Variants in PTPRN2 observed in about 807,000 individuals in gnomAD.
PTPRN2 encodes receptor-type tyrosine-protein phosphatase N2.
PTPRN2 carries 74 observed loss-of-function variants against 118.8 expected under a neutral mutation model. The observed-to-expected ratio is 0.62, with a 90% CI of 0.52 to 0.76. The LOEUF is 0.76. Ranked by LOEUF, PTPRN2 falls within the 30% of genes least tolerant of loss-of-function variation. PTPRN2 has a pLI of 0.00. For missense variants in PTPRN2, 1,481 were observed against 1,394.4 expected (o/e 1.06, Z -0.99); for synonymous variants, 641 against 608.0 (o/e 1.05, Z -0.80).
At chr7:157,824,227 G>A (rs992811794) in intron 12 of PTPRN2, among the ~76,000 whole-genome samples, 1 of 151,964 alleles carries the variant, frequency 6.6e-6, no homozygotes, top group Non-Finnish European at 1.5e-5. Flanking sequence ...TCAGCTTGCC[G>A]ACGGCTGCCA....
intron 2 of PTPRN2, among the ~76,000 whole-genome samples, chr7:158,347,486 C>A (rs557316752): frequency 4.7e-4 from 72 of 152,278 alleles, no homozygotes; most frequent in African/African-American, 1.7e-3. Context: ...GCCAGTACCA[C>A]GTTGTTTTGG....
rs1033116606 is a variant in PTPRN2 at position 157,903,298 on chromosome 7, G to C, written c.1724-4561C>G. On this transcript the variant is annotated intron_variant, in intron 11 of 22. Coordinates refer to ENST00000389418, the MANE Select transcript of PTPRN2 (RefSeq NM_002847.5). The surrounding 1 kb of genome is among the most constrained non-coding windows in gnomAD (Gnocchi z 4.2). ...AATGTGAGAGGGAGGTGGGAGAAAA[G>C]GGCTGAAACTCCCTCTGGGGGACGT... Among the ~76,000 whole-genome samples, 1 of 152,100 alleles carries C rather than the reference G, an allele frequency of 6.6e-6. No individual in the cohort carries two copies. The highest frequency in any genetic ancestry group is 1.5e-5 in the Non-Finnish European group (1 of 68,026).
intron 5 of PTPRN2, among the ~76,000 whole-genome samples, chr7:158,190,985 A>G (rs888450159): frequency 1.3e-5 from 2 of 152,266 alleles, no homozygotes; most frequent in African/African-American, 4.8e-5. Context: ...GAAGTGCCTC[A>G]GCTTCCTCAC....
intron 1 of PTPRN2, among the ~76,000 whole-genome samples, chr7:158,558,046 A>T (rs984921724): frequency 2.0e-5 from 3 of 152,162 alleles, no homozygotes; most frequent in Non-Finnish European, 4.4e-5. Flanking sequence ...GTGCAGTGGT[A>T]TCATCATTAC....
Position 158,582,796 on chromosome 7 carries a change from CAAAA to C in PTPRN2, c.112+4758_112+4761del, listed in dbSNP as rs1156687117. On this transcript the variant is annotated intron_variant, in intron 1 of 22. Coordinates refer to ENST00000389418, the MANE Select transcript of PTPRN2 (RefSeq NM_002847.5). ...TGGGTGACAAAGCGAGACTCCATCT[CAAAA>C]AAAAAAAAAAAAAAAAAAAAAGAAT... Among the ~76,000 whole-genome samples the C allele has an allele frequency of 7.7e-3, 342 of 44,290 alleles. 1 individual carries two copies. The highest frequency in any genetic ancestry group is 0.075 in the East Asian group (69 of 918). 29.1% of individuals were successfully genotyped at this position (44,290 alleles called of 152,430 possible). A position where few individuals can be genotyped will look rare whatever the true frequency, so the allele number is the denominator to read the frequency against.
chr7:158,382,702 C>T (rs1408493059), intron 2 of PTPRN2, among the ~76,000 whole-genome samples: 2 of 152,146 alleles, frequency 1.3e-5, no homozygotes, highest in African/African-American at 4.8e-5. Context: ...AGAAGCTGCA[C>T]ACTCTGTACG....
At chr7:158,582,079 C>A (rs148915580) in intron 1 of PTPRN2, among the ~76,000 whole-genome samples, 2 of 152,192 alleles carry the variant, frequency 1.3e-5, no homozygotes, top group Non-Finnish European at 2.9e-5. Flanking sequence ...CACACTGTTT[C>A]CACACTGTTT....
chr7:157,755,160 C>T (rs1348357479), intron 12 of PTPRN2, among the ~76,000 whole-genome samples: 2 of 152,190 alleles, frequency 1.3e-5, no homozygotes, highest in African/African-American at 2.4e-5. Flanking sequence ...GCTGGGATTA[C>T]AGGCGTGAGC....
At chr7:158,507,829 A>G (rs1415600473) in intron 1 of PTPRN2, among the ~76,000 whole-genome samples, 1 of 150,954 alleles carries the variant, frequency 6.6e-6, no homozygotes, top group Non-Finnish European at 1.5e-5. Context: ...AGGAGACCGC[A>G]TGCACGGAGG....
At chr7:157,751,730 C>T (rs778905714) in intron 12 of PTPRN2, among the ~76,000 whole-genome samples, 19 of 151,972 alleles carry the variant, frequency 1.3e-4, no homozygotes, top group Non-Finnish European at 2.1e-4. Context: ...CTGATGGAGC[C>T]GCGCGCACAG....
At chr7:157,951,022 G>C (rs1428596533) in intron 11 of PTPRN2, among the ~76,000 whole-genome samples, 1 of 152,098 alleles carries the variant, frequency 6.6e-6, no homozygotes, top group Admixed American at 6.5e-5. Context: ...ATTTGTTTTA[G>C]TTTGATTTCA....
In PTPRN2 at chr7:158,526,258, G is replaced by A. The variant is rs1326826410; in HGVS notation, c.113-36473C>T. ...GGGGTCACCCCTCGTGCAGGCTCAG[G>A]CCCTCCCTGCCCACCTGTGGCGGCG... On this transcript the variant is annotated intron_variant, in intron 1 of 22. Coordinates refer to ENST00000389418, the MANE Select transcript of PTPRN2 (RefSeq NM_002847.5). This position sits in a 1 kb window ranked among gnomAD's most constrained non-coding sequence, Gnocchi z 5.2. Among the ~76,000 whole-genome samples, 1 of 152,148 alleles carries A rather than the reference G, an allele frequency of 6.6e-6. No homozygotes were observed. The highest frequency in any genetic ancestry group is 1.5e-5 in the Non-Finnish European group (1 of 68,028).
At chr7:158,207,007 GTCCATGTGATCTCATTGTTCAAT>G (rs1170247767) in intron 3 of PTPRN2, among the ~76,000 whole-genome samples, 2 of 135,614 alleles carry the variant, frequency 1.5e-5, no homozygotes, top group African/African-American at 2.8e-5. Flanking sequence ...CCCTTCCTGT[GTCCATGTGATCTCATTGTTCAAT>G]TCCCGCCTAT....
chr7:157,818,863 G>A (rs1331347970), intron 12 of PTPRN2, among the ~76,000 whole-genome samples: 1 of 152,078 alleles, frequency 6.6e-6, no homozygotes, highest in East Asian at 1.9e-4. Flanking sequence ...AGGAGAAGCT[G>A]GCCCGCCCTC....
At chr7:158,281,454 C>T (rs1982450) in intron 3 of PTPRN2, among the ~76,000 whole-genome samples, 36,919 of 152,098 alleles carry the variant, frequency 0.24, 4,952 homozygotes, top group East Asian at 0.41. Flanking sequence ...AAAATCCAAG[C>T]GGATGGGCAC....
chr7:158,520,913 C>T (rs183467815), intron 1 of PTPRN2, among the ~76,000 whole-genome samples: 117 of 152,262 alleles, frequency 7.7e-4, no homozygotes, highest in South Asian at 1.5e-3. Flanking sequence ...CACATGGATA[C>T]GCTGGGCAAA....
At position 158,319,823 on chromosome 7, in the gene PTPRN2, ACT is replaced by A. The variant is rs1475509894; in HGVS notation, c.164-2893_164-2892del. Among the ~76,000 whole-genome samples the A allele has an allele frequency of 1.4e-3, 10 of 7,190 alleles. 4 individuals are homozygous for A. Among genetic ancestry groups the A allele is most frequent in the Non-Finnish European group, 2.0e-3 (8 of 4,098 alleles). The allele number at this position is 7,190 out of a possible 152,430, so 4.7% of individuals were successfully genotyped here. Reference sequence around the variant, plus strand: ...TACACACACAGCCTCCCTCACACACACTCAGTCTCCCTCACACACACACACAG... The same window carrying A: ...TACACACACAGCCTCCCTCACACACACAGTCTCCCTCACACACACACACAG... On this transcript the variant is annotated intron_variant, in intron 2 of 22. Transcript: ENST00000389418.
rs1307659583 is a variant in PTPRN2 at position 157,729,321 on chromosome 7, T to C, written c.1789-46384A>G. On this transcript the variant is annotated intron_variant, in intron 12 of 22. Transcript: ENST00000389418. The surrounding 1 kb of genome is among the most constrained non-coding windows in gnomAD (Gnocchi z 4.3). ...AACCCATGAGCTGTCTTGAGCACAG[T>C]GGCTGGAGTCTGTGCGGTGGCTGGA... Among the ~76,000 whole-genome samples the C allele has an allele frequency of 6.6e-6, 1 of 152,166 alleles. No homozygotes were observed. The highest frequency in any genetic ancestry group is 1.5e-5 in the Non-Finnish European group (1 of 68,028).
At chr7:158,550,716 T>C (rs992058184) in intron 1 of PTPRN2, among the ~76,000 whole-genome samples, 20 of 152,244 alleles carry the variant, frequency 1.3e-4, no homozygotes, top group Non-Finnish European at 2.2e-4. Context: ...CTTTTCAATG[T>C]CTAATCTATT....
Sources: allele counts gnomAD v4.1 joint callset (sites outside exome capture counted in the v4.1 genomes callset), GRCh38; gene constraint gnomAD v4.1.1; non-coding constraint Gnocchi (gnomAD v3.1); transcripts MANE v1.5; gene names NCBI Gene and HGNC (gene_info 2026-07-23, HGNC 2026-07-21).